The following PDE10A variants were observed in gnomAD, a reference collection of about 807,000 sequenced individuals.
PDE10A encodes the protein phosphodiesterase 10A.
Under a neutral mutation model 97.7 loss-of-function variants are expected in PDE10A, and 39 were observed. The observed-to-expected ratio is 0.40, with a 90% CI of 0.31 to 0.52. The LOEUF (loss-of-function observed/expected upper bound fraction) is 0.52. Among genes scored for constraint, PDE10A ranks in the 20% least tolerant of loss-of-function variants. The pLI, the probability that PDE10A is intolerant of heterozygous loss-of-function variation, is 0.56. For missense variants in PDE10A, 731 were observed against 1,047.8 expected, an observed-to-expected ratio of 0.70 and a Z score of 4.17; for synonymous variants, 371 against 376.8, an observed-to-expected ratio of 0.98 and a Z score of 0.18.
At chr6:165,892,702 C>T (rs1021707048) in intron 1 of PDE10A, among the ~76,000 whole-genome samples, 2 of 152,218 alleles carry the variant, frequency 1.3e-5, no homozygotes, top group African/African-American at 2.4e-5. Flanking sequence ...CTTTGCTGCT[C>T]AGCAGCCCAC....
At chr6:165,791,106 A>T (rs920690354) in intron 1 of PDE10A, among the ~76,000 whole-genome samples, 1 of 151,982 alleles carries the variant, frequency 6.6e-6, no homozygotes, top group African/African-American at 2.4e-5. Flanking sequence ...CACCATGCCC[A>T]GCTAATTTTT....
intron 1 of PDE10A, among the ~76,000 whole-genome samples, chr6:165,846,087 CT>C (rs1423784926): frequency 6.6e-6 from 1 of 152,204 alleles, no homozygotes; most frequent in Non-Finnish European, 1.5e-5. Context: ...TTTTTGTCAT[CT>C]TTTTGGCAAT....
chr6:165,479,164 C>T (rs1468694899), intron 3 of PDE10A, among the ~76,000 whole-genome samples: 1 of 152,078 alleles, frequency 6.6e-6, no homozygotes, highest in East Asian at 1.9e-4. Context: ...ATAAACAAAG[C>T]CTGTCTGCTC....
At chr6:165,568,027 C>T (rs942666797) in intron 1 of PDE10A, among the ~76,000 whole-genome samples, 13 of 112,278 alleles carry the variant, frequency 1.2e-4, no homozygotes, top group Non-Finnish European at 2.0e-4. Flanking sequence ...GAGACGGAGT[C>T]TCGCTCTGTC....
At chr6:165,709,698 A>C (rs977690526) in intron 1 of PDE10A, among the ~76,000 whole-genome samples, 4 of 41,664 alleles carry the variant, frequency 9.6e-5, no homozygotes, top group Admixed American at 3.5e-4. Context: ...CTCCACCCCC[A>C]TGCTGCGGCA....
chr6:165,368,245 C>T (rs1162828211), intron 18 of PDE10A, among the ~76,000 whole-genome samples: 1 of 152,218 alleles, frequency 6.6e-6, no homozygotes, highest in African/African-American at 2.4e-5. Context: ...ATCAGCCTGG[C>T]TTGGCATCCC....
chr6:165,334,357 ACGCGCCTCCATAGCGCCCTACAGCG>A (rs1781518006), intron 21 of PDE10A, among the ~76,000 whole-genome samples: 1 of 151,670 alleles, frequency 6.6e-6, no homozygotes, highest in East Asian at 2.0e-4. Flanking sequence ...AGCGCCGGGC[ACGCGCCTCCATAGCGCCCTACAGCG>A]CCGGGCACGC....
chr6:165,480,116 A>T (rs375768213), intron 3 of PDE10A, among the ~76,000 whole-genome samples: 1 of 152,218 alleles, frequency 6.6e-6, no homozygotes, highest in East Asian at 1.9e-4. Context: ...GTCAACCCAC[A>T]TCTTAAGGAG....
Position 165,451,742 on chromosome 6 carries a change from T to C in PDE10A, c.1024-1380A>G, listed in dbSNP as rs146900604. Among the ~76,000 whole-genome samples, 448 of 152,306 alleles carry C rather than the reference T, an allele frequency of 2.9e-3. 1 individual carries two copies. The highest frequency in any genetic ancestry group is 0.01 in the African/African-American group (435 of 41,556). On this transcript the variant is annotated intron_variant, in intron 3 of 21. Coordinates refer to ENST00000539869, the MANE Select transcript of PDE10A (RefSeq NM_001385079.1). ...CAAATACCACTGACCATCCTGACAA[T>C]GCACTAGAGGAGGCTCTCTTCTAGT...
At chr6:165,926,004 T>A (rs1782923333) in intron 1 of PDE10A, among the ~76,000 whole-genome samples, 1 of 152,230 alleles carries the variant, frequency 6.6e-6, no homozygotes, top group South Asian at 2.1e-4. Context: ...TGAGGCTCTG[T>A]ATTATTTTTT....
intron 1 of PDE10A, among the ~76,000 whole-genome samples, chr6:165,787,777 C>T (rs987706675): frequency 5.3e-5 from 8 of 152,148 alleles, no homozygotes; most frequent in East Asian, 1.9e-4. Context: ...ATCAGAAGAG[C>T]GGCTAATAGT....
intron 2 of PDE10A, among the ~76,000 whole-genome samples, chr6:165,533,476 A>C (rs1782902424): frequency 6.6e-6 from 1 of 152,228 alleles, no homozygotes; most frequent in South Asian, 2.1e-4. Flanking sequence ...AACACAGAAA[A>C]GGCACAGAAA....
intron 1 of PDE10A, among the ~76,000 whole-genome samples, chr6:165,802,574 T>A (rs1385941772): frequency 3.3e-5 from 5 of 152,220 alleles, no homozygotes; most frequent in Non-Finnish European, 5.9e-5. Flanking sequence ...GGCCTGAAGC[T>A]TATGCAACCA....
chr6:165,648,169 C>A (rs375911171), intron 1 of PDE10A, among the ~76,000 whole-genome samples: 1 of 152,088 alleles, frequency 6.6e-6, no homozygotes, highest in African/African-American at 2.4e-5. Flanking sequence ...CCCACCACCA[C>A]GCCCAGCTAA....
intron 1 of PDE10A, among the ~76,000 whole-genome samples, chr6:165,792,321 G>A (rs1177178279): frequency 6.6e-6 from 1 of 152,222 alleles, no homozygotes; most frequent in Non-Finnish European, 1.5e-5. Flanking sequence ...AGGCTGCAGA[G>A]GGCCAGAGCA....
At chr6:165,875,731 G>GTTTTT (rs748111095) in intron 1 of PDE10A, among the ~76,000 whole-genome samples, 21 of 46,940 alleles carry the variant, frequency 4.5e-4, no homozygotes, top group Middle Eastern at 8.5e-3. Flanking sequence ...TTCTTTTACT[G>GTTTTT]TTTTTTTTTT....
At chr6:165,563,693 C>A (rs182265044) in intron 1 of PDE10A, among the ~76,000 whole-genome samples, 1 of 152,018 alleles carries the variant, frequency 6.6e-6, no homozygotes, top group African/African-American at 2.4e-5. Context: ...AAGTTTACGA[C>A]CAGACTGGCC....
intron 1 of PDE10A, among the ~76,000 whole-genome samples, chr6:165,952,816 C>A (rs1784010014): frequency 6.6e-6 from 1 of 151,578 alleles, no homozygotes; most frequent in African/African-American, 2.4e-5. Context: ...TTAAGTAAAT[C>A]TTTCACAGAT....
chr6:165,691,488 C>G (rs2128441773), intron 1 of PDE10A, among the ~76,000 whole-genome samples: 1 of 152,116 alleles, frequency 6.6e-6, no homozygotes, highest in Non-Finnish European at 1.5e-5. Context: ...CTGTGATGTT[C>G]TTAGACAACA....
Sources: gnomAD v4.1 joint callset for allele counts (sites outside exome capture counted in the v4.1 genomes callset) on GRCh38, gnomAD v4.1.1 for gene constraint, MANE v1.5 for transcripts, NCBI Gene and HGNC (gene_info 2026-07-23, HGNC 2026-07-21) for gene names.